HDDC2: variants seen among roughly 807,000 people sequenced by gnomAD.
The protein encoded by HDDC2 is HD domain containing 2.
In HDDC2, 25 loss-of-function variants were observed where a neutral mutation model predicts 25.5. That is an observed-to-expected ratio of 0.98 (90% confidence interval 0.72 to 1.37). The LOEUF (loss-of-function observed/expected upper bound fraction) is 1.37. HDDC2 is among the 40% of genes most tolerant of loss of function. HDDC2 has a pLI of 0.00. For synonymous variants in HDDC2, 106 were observed against 89.7 expected (o/e 1.18, Z -1.03); for missense variants, 264 against 253.1 (o/e 1.04, Z -0.29).
At position 125,300,811 on chromosome 6, in the gene HDDC2, T is replaced by C. The variant is rs1419887656; in HGVS notation, c.85-152A>G. 18 of 696,276 alleles carry C rather than the reference T, an allele frequency of 2.6e-5. 1 individual carries two copies. Among genetic ancestry groups the C allele is most frequent in the African/African-American group, 2.5e-4 (14 of 55,466 alleles). The allele number at this position is 696,276 out of a possible 1,614,324, so 43.1% of individuals were successfully genotyped here. On this transcript the variant is annotated intron_variant, in intron 1 of 5. Transcript: ENST00000398153. ...TGTTTTGCTAAACTAGCTAAAATGA[T>C]AGACATCTGGAATCAAATGAACTAG... is the stretch of plus-strand genomic sequence containing the variant.
intron 4 of HDDC2, among the ~76,000 whole-genome samples, chr6:125,280,533 G>A (rs1407192115): frequency 6.6e-6 from 1 of 152,218 alleles, no homozygotes; most frequent in Non-Finnish European, 1.5e-5. Flanking sequence ...GTCAACCTGG[G>A]ACACTCGAGC....
chr6:125,284,233 C>A (rs905187237), intron 4 of HDDC2, among the ~76,000 whole-genome samples: 1 of 152,132 alleles, frequency 6.6e-6, no homozygotes, highest in African/African-American at 2.4e-5. Flanking sequence ...TAGGCAATAC[C>A]ATTCAGGACA....
At chr6:125,279,457 T>C (rs970797861) in intron 4 of HDDC2, 1 of 152,078 alleles carries the variant, frequency 6.6e-6, no homozygotes, top group Non-Finnish European at 1.5e-5. Flanking sequence ...ATTTTTTTAA[T>C]GCTACATTTA....
chr6:125,292,563 A>G (rs1357131634), intron 4 of HDDC2, among the ~76,000 whole-genome samples: 1 of 152,130 alleles, frequency 6.6e-6, no homozygotes, highest in Non-Finnish European at 1.5e-5. Context: ...CTTTTCAAGG[A>G]CCAAAAATGG....
intron 4 of HDDC2, chr6:125,279,391 T>C (rs899720310): frequency 6.6e-6 from 1 of 151,628 alleles, no homozygotes; most frequent in Non-Finnish European, 1.5e-5. Context: ...AAGACCCAGA[T>C]AAAAATGGGG....
Position 125,275,821 on chromosome 6 carries a change from G to T in HDDC2, c.*325C>A. The T allele has an allele frequency of 4.1e-6, 1 of 246,522 alleles. No homozygotes were observed. The highest frequency in any genetic ancestry group is 2.2e-5 in the African/African-American group (1 of 44,782). The allele number at this position is 246,522 out of a possible 1,614,324, so 15.3% of individuals were successfully genotyped here. On this transcript the variant is annotated 3_prime_UTR_variant, in exon 6 of 6. Coordinates refer to ENST00000398153, the MANE Select transcript of HDDC2 (RefSeq NM_016063.3). Reference sequence around the variant, plus strand: ...CTATTATTCAATGAACCTAGCCTTCGGGGATATCGGTAATTAAGTCAGAAT... The same window carrying T: ...CTATTATTCAATGAACCTAGCCTTCTGGGATATCGGTAATTAAGTCAGAAT...
intron 3 of HDDC2, among the ~76,000 whole-genome samples, chr6:125,294,306 C>T (rs1798673961): frequency 1.3e-5 from 2 of 152,182 alleles, no homozygotes; most frequent in African/African-American, 2.4e-5. Flanking sequence ...AAAAATGTTA[C>T]AGAATACAAC....
intron 4 of HDDC2, chr6:125,279,240 C>A (rs561920216): frequency 9.2e-5 from 14 of 152,306 alleles, no homozygotes; most frequent in Middle Eastern, 6.8e-3. Flanking sequence ...GCACAAGGAG[C>A]TTACATCAAA....
intron 3 of HDDC2, among the ~76,000 whole-genome samples, chr6:125,294,844 G>T (rs1798684501): frequency 6.6e-6 from 1 of 152,110 alleles, no homozygotes. Flanking sequence ...GCTTTTTGGT[G>T]ATCACATCCA....
At chr6:125,279,443 C>A (rs1159948985) in intron 4 of HDDC2, 1 of 151,858 alleles carries the variant, frequency 6.6e-6, no homozygotes, top group African/African-American at 2.4e-5. Flanking sequence ...AAGAAAGCCA[C>A]CATATTTTTT....
At position 125,277,340 on chromosome 6, in the gene HDDC2, A is replaced by G. The variant is rs560540561; in HGVS notation, c.379-100T>C. On this transcript the variant is annotated intron_variant, in intron 4 of 5. Transcript: ENST00000398153. The stretch of plus-strand genomic sequence containing the variant: ...TACCCGAAATCAGAGTGACAGCTAC[A>G]AGTACATTCTGTATCGGCCCCATTT... 7.2e-6 allele frequency: 8 copies of G among 1,116,960 alleles called. No individual in the cohort carries two copies. In the South Asian group the frequency reaches 8.6e-5, roughly 12 times the overall value. 69.2% of individuals were successfully genotyped at this position (1,116,960 alleles called of 1,614,324 possible).
intron 3 of HDDC2, among the ~76,000 whole-genome samples, chr6:125,295,985 A>C (rs1322457016): frequency 6.6e-6 from 1 of 152,138 alleles, no homozygotes; most frequent in Non-Finnish European, 1.5e-5. Context: ...TGTTTCTTCT[A>C]TGCCCTCATT....
intron 5 of HDDC2, 70 bp from the exon 6 acceptor site, chr6:125,276,313 T>C: frequency 8.4e-7 from 1 of 1,196,114 alleles, no homozygotes; most frequent in Non-Finnish European, 1.2e-6. Context: ...TTCCCCAGCT[T>C]GATCCCAGGG....
At chr6:125,299,879 C>T (rs1160467538) in intron 2 of HDDC2, among the ~76,000 whole-genome samples, 1 of 152,128 alleles carries the variant, frequency 6.6e-6, no homozygotes, top group African/African-American at 2.4e-5. Flanking sequence ...CTTCTCCTAC[C>T]TCTCTGGCTA....
chr6:125,278,792 T>C (rs1477152604), intron 4 of HDDC2: 2 of 152,120 alleles, frequency 1.3e-5, no homozygotes, highest in Non-Finnish European at 2.9e-5. Flanking sequence ...TCTAAGACAG[T>C]AGCAGTGAAA....
rs1419564771 is a variant in HDDC2, at chr6:125,301,836, G to C, written c.84+13C>G. 1.3e-6 allele frequency: 2 copies of C among 1,537,362 alleles called. No individual in the cohort carries two copies. Among genetic ancestry groups the C allele is most frequent in the Non-Finnish European group, 8.7e-7 (1 of 1,143,286 alleles). On this transcript the variant is annotated intron_variant, in intron 1 of 5. Coordinates refer to ENST00000398153, the MANE Select transcript of HDDC2 (RefSeq NM_016063.3). The stretch of plus-strand genomic sequence containing the variant: ...CCGCTCGGCCGCGGCCTCCCGGCCT[G>C]GTGCCCGCTCACCTTGAGCTGCCCT...
chr6:125,278,176 T>C (rs1426652607), intron 4 of HDDC2: 1 of 152,216 alleles, frequency 6.6e-6, no homozygotes. Context: ...ACGCTTATTC[T>C]TATAAAGGCA....
chr6:125,286,344 T>C (rs1212757798), intron 4 of HDDC2, among the ~76,000 whole-genome samples: 2 of 152,190 alleles, frequency 1.3e-5, no homozygotes, highest in Admixed American at 1.3e-4. Flanking sequence ...AAAAATACAA[T>C]AACTCGGATA....
intron 4 of HDDC2, among the ~76,000 whole-genome samples, chr6:125,281,727 G>A (rs1240299817): frequency 1.3e-5 from 2 of 152,078 alleles, no homozygotes; most frequent in Non-Finnish European, 1.5e-5. Flanking sequence ...TGTTTGACTG[G>A]CGTACCAAAA....
Sources: gnomAD v4.1 joint callset for allele counts (sites outside exome capture counted in the v4.1 genomes callset) on GRCh38, gnomAD v4.1.1 for gene constraint, MANE v1.5 for transcripts, NCBI Gene and HGNC (gene_info 2026-07-23, HGNC 2026-07-21) for gene names.